The following IGF1R variants were observed in gnomAD, a reference collection of about 807,000 sequenced individuals.
The protein encoded by IGF1R is insulin like growth factor 1 receptor.
In IGF1R, 44 loss-of-function variants were observed where a neutral mutation model predicts 144.6. That is an observed-to-expected ratio of 0.30 (90% confidence interval 0.24 to 0.39). The LOEUF is 0.39. Among genes scored for constraint, IGF1R ranks in the 10% least tolerant of loss-of-function variants. The probability of loss-of-function intolerance (pLI) is 1.00; values close to 1 mark genes in which losing one functional copy is unlikely to be tolerated. For synonymous variants in IGF1R, 795 were observed against 722.8 expected, an observed-to-expected ratio of 1.10 and a Z score of -1.60; for missense variants, 1,355 against 1,833.7, an observed-to-expected ratio of 0.74 and a Z score of 4.77.
At chr15:98,933,500 C>T (rs958642203) in intron 15 of IGF1R, among the ~76,000 whole-genome samples, 1 of 152,048 alleles carries the variant, frequency 6.6e-6, no homozygotes. Context: ...TGTGCCATCA[C>T]ACCTGGCTAA....
chr15:98,722,395 C>T (rs1013206664), intron 2 of IGF1R, among the ~76,000 whole-genome samples: 2 of 152,096 alleles, frequency 1.3e-5, no homozygotes, highest in African/African-American at 2.4e-5. Context: ...TACTGTTTGC[C>T]GAACACTGTA....
intron 2 of IGF1R, among the ~76,000 whole-genome samples, chr15:98,751,127 AGTTGAGCCTCTGATC>A: frequency 6.6e-6 from 1 of 152,320 alleles, no homozygotes; most frequent in South Asian, 2.1e-4. Context: ...ATTTTAGTGT[AGTTGAGCCTCTGATC>A]GTTACATGTT....
At chr15:98,901,306 A>G (rs961245573) in intron 5 of IGF1R, among the ~76,000 whole-genome samples, 1 of 152,178 alleles carries the variant, frequency 6.6e-6, no homozygotes, top group African/African-American at 2.4e-5. Flanking sequence ...AGCTCCAAGG[A>G]TGCTGGCTCC....
intron 2 of IGF1R, among the ~76,000 whole-genome samples, chr15:98,789,404 T>G (rs746929353): frequency 4.6e-5 from 7 of 152,184 alleles, no homozygotes; most frequent in Non-Finnish European, 8.8e-5. Flanking sequence ...TCCTTATGTA[T>G]GTAGTATGTT....
chr15:98,924,265 C>T (rs2015614775), intron 12 of IGF1R, among the ~76,000 whole-genome samples: 1 of 152,226 alleles, frequency 6.6e-6, no homozygotes, highest in African/African-American at 2.4e-5. Flanking sequence ...TGGCATAGGC[C>T]AGGTCAGTTC....
intron 20 of IGF1R, among the ~76,000 whole-genome samples, chr15:98,956,460 G>A (rs1430306172): frequency 6.6e-6 from 1 of 152,218 alleles, no homozygotes; most frequent in Non-Finnish European, 1.5e-5. Flanking sequence ...GTGCTAGATG[G>A]AGACAGCAGA....
intron 2 of IGF1R, among the ~76,000 whole-genome samples, chr15:98,764,925 A>T (rs545664275): frequency 2.9e-4 from 44 of 152,310 alleles, no homozygotes; most frequent in African/African-American, 1.0e-3. Context: ...TACATTTGTC[A>T]TGCCGCAAGG....
chr15:98,672,632 G>A (rs913520858), intron 1 of IGF1R, among the ~76,000 whole-genome samples: 1 of 150,860 alleles, frequency 6.6e-6, no homozygotes, highest in Non-Finnish European at 1.5e-5. Context: ...ATGCTTCCAT[G>A]CTAAACGTTG....
At chr15:98,861,872 C>A (rs1189383440) in intron 2 of IGF1R, among the ~76,000 whole-genome samples, 1 of 152,238 alleles carries the variant, frequency 6.6e-6, no homozygotes, top group African/African-American at 2.4e-5. Flanking sequence ...CAGCAGAATT[C>A]TCATCTTCTG....
At chr15:98,655,915 C>G (rs574986297) in intron 1 of IGF1R, among the ~76,000 whole-genome samples, 3 of 152,096 alleles carry the variant, frequency 2.0e-5, no homozygotes, top group African/African-American at 7.2e-5. Context: ...CTATGTTGCT[C>G]AGGTTGGACT....
chr15:98,726,210 C>A (rs1237326228), intron 2 of IGF1R, among the ~76,000 whole-genome samples: 1 of 152,172 alleles, frequency 6.6e-6, no homozygotes, highest in Non-Finnish European at 1.5e-5. Flanking sequence ...CTGATTATAA[C>A]TTGTGCAAGG....
At chr15:98,688,100 C>T (rs1292376676) in intron 1 of IGF1R, among the ~76,000 whole-genome samples, 16 of 152,162 alleles carry the variant, frequency 1.1e-4, no homozygotes. Context: ...TGCCTGCCTG[C>T]ACCTTACTGA....
intron 4 of IGF1R, chr15:98,897,186 C>T (rs2014242946): frequency 2.2e-6 from 1 of 455,096 alleles, no homozygotes. Context: ...AGAGGCAAGC[C>T]CTGACACATA....
intron 13 of IGF1R, among the ~76,000 whole-genome samples, chr15:98,925,828 T>G (rs1406406110): frequency 6.6e-6 from 1 of 152,066 alleles, no homozygotes; most frequent in African/African-American, 2.4e-5. Flanking sequence ...CTCTTGAACC[T>G]GGGAGGCAGA....
At chr15:98,738,772 G>T (rs1469929189) in intron 2 of IGF1R, among the ~76,000 whole-genome samples, 2 of 152,120 alleles carry the variant, frequency 1.3e-5, no homozygotes, top group Non-Finnish European at 2.9e-5. Flanking sequence ...CCATTTCACA[G>T]TTTGCCGGTC....
At chr15:98,706,917 A>T (rs946736345) in intron 1 of IGF1R, among the ~76,000 whole-genome samples, 1 of 126,126 alleles carries the variant, frequency 7.9e-6, no homozygotes, top group African/African-American at 3.1e-5. Context: ...TGCTGCTTTT[A>T]TTCATAAAAA....
At chr15:98,889,350 C>T (rs568171558) in intron 2 of IGF1R, among the ~76,000 whole-genome samples, 130 of 152,306 alleles carry the variant, frequency 8.5e-4, no homozygotes, top group African/African-American at 3.0e-3. Context: ...GAAATAGGAA[C>T]TCTTGGAGGC....
rs776886944 is a variant in IGF1R, at chr15:98,922,398, T to C, written c.2452T>C (p.Ser818Pro). 6.2e-7 allele frequency: 1 copy of C among 1,613,454 alleles called. No homozygotes were observed. Among genetic ancestry groups the C allele is most frequent in the Admixed American group, 1.7e-5 (1 of 60,026 alleles). The change falls in exon 11 of 21, where the codon TCC becomes CCC. Residue 818 changes from serine (S) to proline (P), a missense_variant. This residue lies in a region of IGF1R where 880 missense variants were observed against 1,202.7 expected (regional missense o/e 0.73). Transcript: ENST00000650285. ...GGCTGAGAAGCTGGGCTGCAGCGCC[T>C]CCAACTTCGTCTTTGCAAGGACTAT... is the stretch of plus-strand genomic sequence containing the variant. ...HEAEKLGCSASNFVFARTMPA... is the reference protein window; with the variant it reads ...HEAEKLGCSAPNFVFARTMPA...
At chr15:98,887,678 C>G (rs1362515264) in intron 2 of IGF1R, among the ~76,000 whole-genome samples, 1 of 152,182 alleles carries the variant, frequency 6.6e-6, no homozygotes. Flanking sequence ...TGGCACACGC[C>G]TGACGAGCGG....
Sources: gnomAD v4.1 joint callset for allele counts (sites outside exome capture counted in the v4.1 genomes callset) on GRCh38, gnomAD v4.1.1 for gene constraint, gnomAD v4.1.1 regional missense constraint, MANE v1.5 for transcripts, NCBI Gene and HGNC (gene_info 2026-07-23, HGNC 2026-07-21) for gene names.